CRTC3: variants seen among roughly 807,000 people sequenced by gnomAD.
The protein encoded by CRTC3 is CREB-regulated transcription coactivator 3.
In CRTC3, 26 loss-of-function variants were observed where a neutral mutation model predicts 74.5. That is an observed-to-expected ratio of 0.35 (90% CI 0.26 to 0.48). The LOEUF is 0.48. Among genes scored for constraint, CRTC3 ranks in the 20% least tolerant of loss-of-function variants. The pLI is 0.99. For missense variants in CRTC3, 760 were observed against 787.3 expected, an observed-to-expected ratio of 0.97 and a Z score of 0.41; for synonymous variants, 377 against 325.8, an observed-to-expected ratio of 1.16 and a Z score of -1.69.
At position 90,530,097 on chromosome 15, in the gene CRTC3, G is replaced by A; in HGVS notation, c.26G>A (p.Ser9Asn). 6.9e-7 allele frequency: 1 copy of A among 1,447,708 alleles called. No homozygotes were observed. The highest frequency in any genetic ancestry group is 9.2e-7 in the Non-Finnish European group (1 of 1,084,524). 89.7% of individuals were successfully genotyped at this position (1,447,708 alleles called of 1,614,324 possible). Residue 9 changes from serine (S) to asparagine (N), a missense_variant, in exon 1 of 15, where the codon AGC becomes AAC. Physicochemically the swap from Ser to Asn is conservative, Grantham distance 46. This residue lies in a region of CRTC3 where 108 missense variants were observed against 152.1 expected (regional missense o/e 0.71). Coordinates refer to ENST00000268184, the MANE Select transcript of CRTC3 (RefSeq NM_022769.5). The surrounding 1 kb of genome is among the most constrained non-coding windows in gnomAD (Gnocchi z 6.2). ...ATGGCCGCCTCGCCGGGCTCGGGCA[G>A]CGCCAACCCGCGGAAGTTCAGTGAG... MAASPGSG[S>N]ANPRKFSEKI...
Position 90,625,762 on chromosome 15 carries a change from C to G in CRTC3, c.750-14C>G. 2 of 1,608,028 alleles carry G rather than the reference C, an allele frequency of 1.2e-6. No homozygotes were observed. The highest frequency in any genetic ancestry group is 1.7e-6 in the Non-Finnish European group (2 of 1,174,484). ...TACATTGTAGAAAGTCATTCTTAAT[C>G]TTTCTTTTTTCAGTGCTTTTCCACA... On this transcript the variant is annotated splice_polypyrimidine_tract_variant and intron_variant, in intron 9 of 14. Transcript: ENST00000268184.
chr15:90,541,143 C>G (rs1966795770), intron 2 of CRTC3, among the ~76,000 whole-genome samples: 1 of 152,210 alleles, frequency 6.6e-6, no homozygotes, highest in Non-Finnish European at 1.5e-5. Flanking sequence ...ATTGTTAAGA[C>G]CTGAATTAGA....
chr15:90,590,013 G>T (rs1456457184), intron 2 of CRTC3, among the ~76,000 whole-genome samples: 2 of 151,914 alleles, frequency 1.3e-5, no homozygotes, highest in East Asian at 3.9e-4. Context: ...TAAATAGGCT[G>T]GGTGCAGTGG....
chr15:90,628,453 G>A (rs1968919653), intron 10 of CRTC3, among the ~76,000 whole-genome samples: 1 of 152,158 alleles, frequency 6.6e-6, no homozygotes, highest in Admixed American at 6.5e-5. Context: ...TTCACTGGGC[G>A]AACCTGCTCC....
At chr15:90,586,602 C>T (rs188738844) in intron 2 of CRTC3, among the ~76,000 whole-genome samples, 22 of 152,128 alleles carry the variant, frequency 1.4e-4, no homozygotes, top group African/African-American at 4.8e-4. Context: ...ACCTCATGAT[C>T]ACCCACCTTG....
Position 90,530,212 on chromosome 15 carries a change from C to T in CRTC3, c.132+9C>T. 2 of 1,166,080 alleles carry T rather than the reference C, an allele frequency of 1.7e-6. No individual in the cohort carries two copies. Among genetic ancestry groups the T allele is most frequent in the East Asian group, 4.8e-5 (1 of 20,876 alleles). 72.2% of individuals were successfully genotyped at this position (1,166,080 alleles called of 1,614,324 possible). ...ACCTCACCCTGTCGCGGGTGAGGGCCCGGGCCGGCGCGGGCGGGGGCGGCC... is the reference window on the plus strand; with the variant it reads ...ACCTCACCCTGTCGCGGGTGAGGGCTCGGGCCGGCGCGGGCGGGGGCGGCC... On this transcript the variant is annotated intron_variant, in intron 1 of 14. Transcript: ENST00000268184. This position sits in a 1 kb window ranked among gnomAD's most constrained non-coding sequence, Gnocchi z 6.2.
rs768874289 is a variant in CRTC3 at position 90,629,240 on chromosome 15, A to G, written c.974A>G (p.Gln325Arg). 1.2e-6 allele frequency: 2 copies of G among 1,610,924 alleles called. No individual in the cohort carries two copies. The highest frequency in any genetic ancestry group is 1.1e-5 in the South Asian group (1 of 91,020). The stretch of plus-strand genomic sequence containing the variant: ...TGAATTTGTTGTCTTCCAGGTCTCC[A>G]GAGTTCTCGGAGTAACCCCTCCATC... Reference protein sequence around the residue: ...HLGIRSSSGLQSSRSNPSIQA... With the variant: ...HLGIRSSSGLRSSRSNPSIQA... Residue 325 changes from glutamine (Q) to arginine (R), a missense_variant, in exon 11 of 15, where the codon CAG becomes CGG. Transcript: ENST00000268184.
At chr15:90,620,608 A>G (rs1027990192) in intron 9 of CRTC3, among the ~76,000 whole-genome samples, 1 of 152,096 alleles carries the variant, frequency 6.6e-6, no homozygotes, top group Non-Finnish European at 1.5e-5. Context: ...GGAGGTTCAC[A>G]GAGAGGACCC....
At chr15:90,543,547 G>A (rs1966837726) in intron 2 of CRTC3, among the ~76,000 whole-genome samples, 1 of 151,740 alleles carries the variant, frequency 6.6e-6, no homozygotes, top group African/African-American at 2.4e-5. Flanking sequence ...CAGATTTATT[G>A]AAATAAAAGT....
rs748938087 is a variant in CRTC3, at chr15:90,638,587, C to A, written c.1408C>A (p.Gln470Lys). 2 of 1,613,134 alleles carry A rather than the reference C, an allele frequency of 1.2e-6. No homozygotes were observed. The highest frequency in any genetic ancestry group is 4.5e-5 in the East Asian group (2 of 44,882). Residue 470 changes from glutamine to lysine, a missense_variant, in exon 12 of 15, where the codon CAG becomes AAG. Physicochemically the swap from Gln to Lys is moderately conservative, Grantham distance 53 (BLOSUM62 1). Transcript: ENST00000268184. ...QQPRAPEAPA[Q>K]QPQAASSLPQ... is the part of the protein sequence containing the mutation. ...GCCCCGCGCCCCTGAGGCCCCTGCC[C>A]AGCAGCCCCAGGCAGCCTCCTCACT...
chr15:90,587,835 A>T (rs928612578), intron 2 of CRTC3, among the ~76,000 whole-genome samples: 1 of 151,980 alleles, frequency 6.6e-6, no homozygotes, highest in Non-Finnish European at 1.5e-5. Context: ...GCTGGTCTCA[A>T]ACTTGTGAGC....
At chr15:90,598,344 A>C (rs1433942127) in intron 3 of CRTC3, 2 of 685,552 alleles carry the variant, frequency 2.9e-6, no homozygotes, top group Non-Finnish European at 5.3e-6. Flanking sequence ...CAGTAACCCC[A>C]CCCACTGGTA....
At chr15:90,580,788 C>T (rs1186661013) in intron 2 of CRTC3, among the ~76,000 whole-genome samples, 5 of 151,976 alleles carry the variant, frequency 3.3e-5, no homozygotes, top group Admixed American at 1.3e-4. Context: ...TCCAAACAAG[C>T]GCCCAGATCC....
At chr15:90,598,919 GC>G (rs771125292) in intron 3 of CRTC3, 9 of 184,348 alleles carry the variant, frequency 4.9e-5, no homozygotes, top group South Asian at 3.1e-4. Context: ...AAGCTCCTGT[GC>G]CCGGAGGCTC....
chr15:90,623,015 C>T (rs1023028403), intron 9 of CRTC3, among the ~76,000 whole-genome samples: 13 of 152,132 alleles, frequency 8.5e-5, no homozygotes, highest in African/African-American at 2.2e-4. Context: ...AAAAGTGAGG[C>T]GAGGCTGGCA....
chr15:90,552,944 T>C (rs1161916019), intron 2 of CRTC3, among the ~76,000 whole-genome samples: 1 of 152,176 alleles, frequency 6.6e-6, no homozygotes, highest in Non-Finnish European at 1.5e-5. Flanking sequence ...TTTTTTCCCT[T>C]AGCCAGCCCT....
At position 90,625,929 on chromosome 15, in the gene CRTC3, T is replaced by C. The variant is rs764159195; in HGVS notation, c.903T>C (p.Ser301=). The C allele has an allele frequency of 2.5e-6, 4 of 1,613,982 alleles. No individual in the cohort carries two copies. In the African/African-American group the frequency reaches 4.0e-5, roughly 16 times the overall value. Reference sequence around the variant, plus strand: ...CCGACCACCACTTTGGCAGTATGAGTGTGGGGAATAGTGTGAACAACATCC... The same window carrying C: ...CCGACCACCACTTTGGCAGTATGAGCGTGGGGAATAGTGTGAACAACATCC... The part of the protein sequence containing the change: ...DTTDHHFGSM[S]VGNSVNNIPA... Residue 301 remains serine (S), a synonymous_variant, in exon 10 of 15, where the codon AGT becomes AGC. Transcript: ENST00000268184.
intron 2 of CRTC3, among the ~76,000 whole-genome samples, chr15:90,591,358 A>G (rs1967796679): frequency 6.6e-6 from 1 of 151,826 alleles, no homozygotes; most frequent in African/African-American, 2.4e-5. Context: ...GGCCTCAAGC[A>G]ATTCTCCCAC....
intron 2 of CRTC3, among the ~76,000 whole-genome samples, chr15:90,553,232 T>C (rs139079986): frequency 4.6e-5 from 7 of 152,252 alleles, no homozygotes; most frequent in African/African-American, 7.2e-5. Flanking sequence ...CTGAACTACA[T>C]GCACTTTGCA....
Sources: gnomAD v4.1 joint callset for allele counts (sites outside exome capture counted in the v4.1 genomes callset) on GRCh38, gnomAD v4.1.1 for gene constraint, gnomAD v4.1.1 regional missense constraint, Gnocchi (gnomAD v3.1) non-coding constraint, MANE v1.5 for transcripts, NCBI Gene and HGNC (gene_info 2026-07-23, HGNC 2026-07-21) for gene names.